The following SIPA1L1 variants were observed in gnomAD, a reference collection of about 807,000 sequenced individuals.
The protein encoded by SIPA1L1 is signal-induced proliferation-associated 1-like protein 1.
Under a neutral mutation model 162.7 loss-of-function variants are expected in SIPA1L1, and 26 were observed. That is an observed-to-expected ratio of 0.16 (90% CI 0.12 to 0.22). SIPA1L1 has a LOEUF of 0.22. SIPA1L1 is among the 10% of genes least tolerant of loss of function. The pLI, the probability that SIPA1L1 is intolerant of heterozygous loss-of-function variation, is 1.00. For synonymous variants in SIPA1L1, 829 were observed against 837.4 expected, an observed-to-expected ratio of 0.99 and a Z score of 0.17; for missense variants, 1,874 against 2,241.0, an observed-to-expected ratio of 0.84 and a Z score of 3.31.
At position 71,588,637 on chromosome 14, in the gene SIPA1L1, T is replaced by C. The variant is rs2034888536; in HGVS notation, c.765T>C (p.Ser255=). ...TCATTACTGGTGGTGGCAAGGGTTC[T>C]GGTTTCTCTTTGGATGTAATAGACG... ...DFLITGGGKG[S]GFSLDVIDGP... Residue 255 remains serine, a synonymous_variant, in exon 5 of 24, where the codon TCT becomes TCC. Transcript: ENST00000381232. This position sits in a 1 kb window ranked among gnomAD's most constrained non-coding sequence, Gnocchi z 4.3. The C allele has an allele frequency of 1.9e-6, 3 of 1,614,122 alleles. No homozygotes were observed. The highest frequency in any genetic ancestry group is 1.7e-6 in the Non-Finnish European group (2 of 1,179,990).
At chr14:71,591,145 T>G (rs900437991) in intron 5 of SIPA1L1, among the ~76,000 whole-genome samples, 1 of 152,142 alleles carries the variant, frequency 6.6e-6, no homozygotes, top group African/African-American at 2.4e-5. Context: ...TTTTTCCTAT[T>G]AGGCAGTATA....
rs565129564 is a variant in SIPA1L1, at chr14:71,406,557, G to T, written c.-465+85376G>T. Among the ~76,000 whole-genome samples, 17 of 151,992 alleles carry T rather than the reference G, an allele frequency of 1.1e-4. 1 individual carries two copies. In the South Asian group the frequency reaches 3.3e-3, roughly 30 times the overall value. ...ATTCTTGTGGTCCCTTGATAAGAGG[G>T]TTGCCTCAATAACAGTAAATTAGAT... is the stretch of plus-strand genomic sequence containing the variant. On this transcript the variant is annotated intron_variant, in intron 2 of 23. Coordinates refer to ENST00000381232, the MANE Select transcript of SIPA1L1 (RefSeq NM_001386936.1).
At chr14:71,644,852 T>C (rs913234004) in intron 7 of SIPA1L1, among the ~76,000 whole-genome samples, 1 of 152,232 alleles carries the variant, frequency 6.6e-6, no homozygotes, top group Non-Finnish European at 1.5e-5. Flanking sequence ...TACACAAGCC[T>C]GAATGACTAT....
intron 7 of SIPA1L1, among the ~76,000 whole-genome samples, chr14:71,634,227 C>T (rs1596536096): frequency 6.6e-6 from 1 of 151,666 alleles, no homozygotes; most frequent in African/African-American, 2.4e-5. Context: ...ATGGCGAAAC[C>T]CTGTGTCTAC....
At position 71,570,835 on chromosome 14, in the gene SIPA1L1, G is replaced by T. The variant is rs1207021548; in HGVS notation, c.-302-16736G>T. On this transcript the variant is annotated intron_variant, in intron 4 of 23. Coordinates refer to ENST00000381232, the MANE Select transcript of SIPA1L1 (RefSeq NM_001386936.1). Reference sequence around the variant, plus strand: ...GGAGTCTCGCTCTATCACCCAGGCTGGGGTGCAGTGGCACCATCTCGGCTC... The same window carrying T: ...GGAGTCTCGCTCTATCACCCAGGCTTGGGTGCAGTGGCACCATCTCGGCTC... Among the ~76,000 whole-genome samples, 5 of 152,192 alleles carry T rather than the reference G, an allele frequency of 3.3e-5. No individual in the cohort carries two copies. In the East Asian group the frequency reaches 9.7e-4, roughly 29 times the overall value.
At chr14:71,399,635 C>T (rs1031501244) in intron 2 of SIPA1L1, among the ~76,000 whole-genome samples, 3 of 152,150 alleles carry the variant, frequency 2.0e-5, no homozygotes, top group African/African-American at 4.8e-5. Context: ...TCTTGAATCC[C>T]TGGCCTCAAA....
chr14:71,616,009 A>G (rs561231910), intron 5 of SIPA1L1, among the ~76,000 whole-genome samples: 3 of 152,074 alleles, frequency 2.0e-5, no homozygotes, highest in Non-Finnish European at 4.4e-5. Context: ...ACAAACACAT[A>G]AACAACAACA....
chr14:71,656,030 C>G (rs776061297), intron 8 of SIPA1L1, among the ~76,000 whole-genome samples: 1 of 152,078 alleles, frequency 6.6e-6, no homozygotes, highest in Non-Finnish European at 1.5e-5. Flanking sequence ...TTTTGGAATT[C>G]TTTTCTTCTT....
At chr14:71,541,065 T>G (rs2145756321) in intron 4 of SIPA1L1, among the ~76,000 whole-genome samples, 1 of 152,080 alleles carries the variant, frequency 6.6e-6, no homozygotes, top group African/African-American at 2.4e-5. Flanking sequence ...GAGGTGGAGG[T>G]TGCAGTGAGC....
intron 16 of SIPA1L1, 34 bp from the exon 17 acceptor site, chr14:71,709,188 C>T (rs750210408): frequency 6.4e-7 from 1 of 1,552,668 alleles, no homozygotes; most frequent in Non-Finnish European, 8.8e-7. Flanking sequence ...GGAAGCAAAA[C>T]TTTGCACTCA....
At chr14:71,524,921 T>C (rs1324590716) in intron 3 of SIPA1L1, among the ~76,000 whole-genome samples, 4 of 152,214 alleles carry the variant, frequency 2.6e-5, no homozygotes, top group Non-Finnish European at 5.9e-5. Context: ...TCAAAACTTA[T>C]TTCCATTCTT....
rs756484967 is a variant in SIPA1L1 at position 71,646,178 on chromosome 14, C to CT, written c.1819-4141dup. On this transcript the variant is annotated intron_variant, in intron 7 of 23. Coordinates refer to ENST00000381232, the MANE Select transcript of SIPA1L1 (RefSeq NM_001386936.1). The stretch of plus-strand genomic sequence containing the variant: ...TGCACTGTCTGTTTCTTTCTTTCTA[C>CT]TTTTTTTTTTTTTTTTGAGACGGAG... Among the ~76,000 whole-genome samples the CT allele has an allele frequency of 5.4e-3, 770 of 142,044 alleles. 4 individuals are homozygous for CT. Among genetic ancestry groups the CT allele is most frequent in the East Asian group, 0.011 (54 of 4,952 alleles). The allele number at this position is 142,044 out of a possible 152,430, so 93.2% of individuals were successfully genotyped here. A position where few individuals can be genotyped will look rare whatever the true frequency, so the allele number is the denominator to read the frequency against.
At chr14:71,491,834 A>G (rs978482237) in intron 2 of SIPA1L1, among the ~76,000 whole-genome samples, 3 of 107,622 alleles carry the variant, frequency 2.8e-5, no homozygotes, top group African/African-American at 9.9e-5. Context: ...GCCCCCCCAC[A>G]TGAAGAGTTG....
chr14:71,550,156 G>A (rs1357651360), intron 4 of SIPA1L1, among the ~76,000 whole-genome samples: 2 of 152,202 alleles, frequency 1.3e-5, no homozygotes, highest in Non-Finnish European at 2.9e-5. Context: ...GCGAGGTTGA[G>A]GTGGACGGAT....
intron 5 of SIPA1L1, among the ~76,000 whole-genome samples, chr14:71,597,515 G>A (rs2036182230): frequency 6.6e-6 from 1 of 152,056 alleles, no homozygotes; most frequent in Admixed American, 6.6e-5. Context: ...AATGGCTTGG[G>A]TTCCCCTGCA....
Position 71,588,304 on chromosome 14 carries a change from A to C in SIPA1L1, c.432A>C (p.Arg144Ser). 8 of 1,613,868 alleles carry C rather than the reference A, an allele frequency of 5.0e-6. No homozygotes were observed. The highest frequency in any genetic ancestry group is 6.8e-6 in the Non-Finnish European group (8 of 1,179,972). The change falls in exon 5 of 24, where the codon AGA becomes AGC. Residue 144 changes from arginine to serine, a missense_variant. Arg to Ser is a moderately radical substitution (Grantham distance 110, BLOSUM62 -1). Around this residue, in one of 5 missense-constraint regions of SIPA1L1, gnomAD observed 685 missense variants for 828.0 expected, o/e 0.83. Transcript: ENST00000381232. This position sits in a 1 kb window ranked among gnomAD's most constrained non-coding sequence, Gnocchi z 4.3. ...SIQNTLKNKT[R>S]PSENMDSRFL... ...AGAACACGCTGAAAAACAAGACAAG[A>C]CCGTCGGAGAACATGGACTCCAGAT...
intron 2 of SIPA1L1, among the ~76,000 whole-genome samples, chr14:71,468,473 G>C (rs2047198740): frequency 6.6e-6 from 1 of 152,128 alleles, no homozygotes; most frequent in Non-Finnish European, 1.5e-5. Context: ...GAGAATGAGA[G>C]CAAGAGAGAG....
chr14:71,576,324 A>G (rs1238223123), intron 4 of SIPA1L1, among the ~76,000 whole-genome samples: 1 of 152,244 alleles, frequency 6.6e-6, no homozygotes, highest in African/African-American at 2.4e-5. Context: ...TACAAACTGC[A>G]GTAGATAATA....
chr14:71,713,084 G>C (rs545138658), intron 17 of SIPA1L1, among the ~76,000 whole-genome samples: 1 of 152,210 alleles, frequency 6.6e-6, no homozygotes, highest in Non-Finnish European at 1.5e-5. Flanking sequence ...GCTGGGCACG[G>C]TGACATGGGC....
Sources: gnomAD v4.1 joint callset for allele counts (sites outside exome capture counted in the v4.1 genomes callset) on GRCh38, gnomAD v4.1.1 for gene constraint, gnomAD v4.1.1 regional missense constraint, Gnocchi (gnomAD v3.1) non-coding constraint, MANE v1.5 for transcripts, NCBI Gene and HGNC (gene_info 2026-07-23, HGNC 2026-07-21) for gene names.